USH2A: variants seen among roughly 807,000 people sequenced by gnomAD.
The protein encoded by USH2A is usherin.
Under a neutral mutation model 538.9 loss-of-function variants are expected in USH2A, and 443 were observed. The ratio of observed to expected loss-of-function variants is 0.82; its 90% CI spans 0.76 to 0.89. The LOEUF is 0.89. Among genes scored for constraint, USH2A ranks in the 40% least tolerant of loss-of-function variants. The probability of loss-of-function intolerance (pLI) is 0.00; values close to 1 mark genes in which losing one functional copy is unlikely to be tolerated. For missense variants in USH2A, 6,633 were observed against 6,324.8 expected, an observed-to-expected ratio of 1.05 and a Z score of -1.65; for synonymous variants, 2,413 against 2,273.5, an observed-to-expected ratio of 1.06 and a Z score of -1.75.
chr1:215,638,686 A>T (rs1337304471), intron 69 of USH2A, among the ~76,000 whole-genome samples: 1 of 149,830 alleles, frequency 6.7e-6, no homozygotes, highest in African/African-American at 2.5e-5. Context: ...AGGACTTTTT[A>T]AAAAATTTCT....
chr1:215,973,565 A>G (rs895650845), intron 35 of USH2A, among the ~76,000 whole-genome samples: 1 of 151,836 alleles, frequency 6.6e-6, no homozygotes, highest in African/African-American at 2.4e-5. Flanking sequence ...TCACTCAGTG[A>G]CTGCACCTTA....
chr1:216,301,745 T>C (rs1044456055), intron 9 of USH2A, among the ~76,000 whole-genome samples: 6 of 152,204 alleles, frequency 3.9e-5, no homozygotes, highest in African/African-American at 1.4e-4. Flanking sequence ...ACAGTACTGC[T>C]CACTGAATAA....
At chr1:216,401,093 C>T (rs2102760100) in intron 3 of USH2A, among the ~76,000 whole-genome samples, 1 of 152,158 alleles carries the variant, frequency 6.6e-6, no homozygotes, top group East Asian at 1.9e-4. Flanking sequence ...GCAAAAATTA[C>T]AACTCAGTGT....
At chr1:215,721,123 G>T (rs1035621897) in intron 61 of USH2A, among the ~76,000 whole-genome samples, 2 of 152,020 alleles carry the variant, frequency 1.3e-5, no homozygotes, top group Admixed American at 1.3e-4. Context: ...CACCCAGGCT[G>T]GAATGCAATG....
intron 3 of USH2A, among the ~76,000 whole-genome samples, chr1:216,399,118 G>A (rs1183144693): frequency 6.6e-6 from 1 of 152,172 alleles, no homozygotes; most frequent in Non-Finnish European, 1.5e-5. Flanking sequence ...GGACTAGTCA[G>A]CACATTACAT....
intron 37 of USH2A, among the ~76,000 whole-genome samples, chr1:215,936,332 A>G (rs1488596877): frequency 6.6e-6 from 1 of 152,060 alleles, no homozygotes; most frequent in African/African-American, 2.4e-5. Flanking sequence ...TATTTACAAA[A>G]ACATTATATT....
chr1:216,326,374 G>T (rs1298084105), intron 5 of USH2A, among the ~76,000 whole-genome samples: 1 of 152,156 alleles, frequency 6.6e-6, no homozygotes, highest in Admixed American at 6.6e-5. Context: ...TCAGACCCCA[G>T]TGGAGCAGTG....
At chr1:216,244,183 T>C (rs1047005760) in intron 13 of USH2A, among the ~76,000 whole-genome samples, 6 of 152,092 alleles carry the variant, frequency 3.9e-5, no homozygotes, top group African/African-American at 1.4e-4. Context: ...CTGCATTCCA[T>C]GTCGGGAAAG....
Position 215,817,184 on chromosome 1 carries a change from A to T in USH2A, c.9383T>A (p.Ile3128Asn), listed in dbSNP as rs1486433456. The change falls in exon 48 of 72, where the codon ATT (isoleucine) becomes AAT (asparagine). Residue 3128 changes from isoleucine (I) to asparagine (N), a missense_variant. Coordinates refer to ENST00000307340, the MANE Select transcript of USH2A (RefSeq NM_206933.4). ...TGGCTTCCGTGGAGACACCCAATCAATTTGAAGAGATCTGCAACAGAGAGA... is the reference window on the plus strand; with the variant it reads ...TGGCTTCCGTGGAGACACCCAATCATTTTGAAGAGATCTGCAACAGAGAGA... ...IRGITSRSLQIDWVSPRKPNG... is the reference protein window; with the variant it reads ...IRGITSRSLQNDWVSPRKPNG... 1.9e-6 allele frequency: 3 copies of T among 1,611,986 alleles called. No homozygotes were observed. The highest frequency in any genetic ancestry group is 2.5e-6 in the Non-Finnish European group (3 of 1,178,554).
In USH2A at chr1:216,009,472, A is replaced by G. The variant is rs192385449; in HGVS notation, c.6326-8910T>C. Among the ~76,000 whole-genome samples the G allele has an allele frequency of 4.9e-3, 753 of 152,206 alleles. 5 individuals are homozygous for G. The highest frequency in any genetic ancestry group is 0.017 in the African/African-American group (701 of 41,516). ...CAAGATCTAAATAATTCTTGTCATAAAATAGGCAAACGGTCTGAGGTGCCT... is the reference window on the plus strand; with the variant it reads ...CAAGATCTAAATAATTCTTGTCATAGAATAGGCAAACGGTCTGAGGTGCCT... On this transcript the variant is annotated intron_variant, in intron 32 of 71. Transcript: ENST00000307340.
intron 3 of USH2A, among the ~76,000 whole-genome samples, chr1:216,370,355 T>G (rs1024646564): frequency 2.0e-5 from 3 of 150,468 alleles, no homozygotes; most frequent in African/African-American, 7.4e-5. Context: ...AGTGAGACTC[T>G]ATCCAAAAAA....
intron 4 of USH2A, among the ~76,000 whole-genome samples, chr1:216,331,288 A>C (rs2037858218): frequency 6.6e-6 from 1 of 152,096 alleles, no homozygotes; most frequent in African/African-American, 2.4e-5. Flanking sequence ...ATTCCATAAA[A>C]ATTCTTCTTT....
At chr1:215,711,775 G>A (rs1659344301) in intron 61 of USH2A, among the ~76,000 whole-genome samples, 1 of 152,158 alleles carries the variant, frequency 6.6e-6, no homozygotes, top group African/African-American at 2.4e-5. Flanking sequence ...TCTGCACACT[G>A]TAATGTGCTG....
intron 58 of USH2A, among the ~76,000 whole-genome samples, chr1:215,751,480 AT>A (rs1314918304): frequency 6.6e-6 from 1 of 152,152 alleles, no homozygotes; most frequent in Admixed American, 6.5e-5. Flanking sequence ...AAATATAGTC[AT>A]CATCTCGATA....
chr1:215,654,745 T>C (rs1002449944), intron 64 of USH2A, among the ~76,000 whole-genome samples: 2 of 152,246 alleles, frequency 1.3e-5, no homozygotes, highest in African/African-American at 4.8e-5. Flanking sequence ...GATAGATTAA[T>C]ATGTCAGTTT....
chr1:215,720,202 T>C (rs1360253754), intron 61 of USH2A, among the ~76,000 whole-genome samples: 1 of 152,070 alleles, frequency 6.6e-6, no homozygotes, highest in Non-Finnish European at 1.5e-5. Flanking sequence ...GGGGATTCAG[T>C]GGAGAAGAAA....
At chr1:216,146,628 CT>C (rs1301174132) in intron 21 of USH2A, among the ~76,000 whole-genome samples, 1 of 152,050 alleles carries the variant, frequency 6.6e-6, no homozygotes, top group Non-Finnish European at 1.5e-5. Context: ...GCACCCCAAC[CT>C]CTTATCTCTG....
chr1:216,238,786 A>C (rs546790798), intron 13 of USH2A, among the ~76,000 whole-genome samples: 1 of 152,286 alleles, frequency 6.6e-6, no homozygotes, highest in African/African-American at 2.4e-5. Context: ...GTCATCTACT[A>C]TGGGTCAGCA....
At position 216,046,419 on chromosome 1, in the gene USH2A, T is replaced by C. The variant is rs566386074; in HGVS notation, c.6325+12A>G. On this transcript the variant is annotated intron_variant, in intron 32 of 71. Transcript: ENST00000307340. ...GACTATAACAATTCGCTGATAACTC[T>C]AGAGGTCTTACCTGTGACTATGTAG... 2 of 1,613,392 alleles carry C rather than the reference T, an allele frequency of 1.2e-6. No homozygotes were observed. Among genetic ancestry groups the C allele is most frequent in the East Asian group, 2.2e-5 (1 of 44,862 alleles).
Sources: gnomAD v4.1 joint callset for allele counts (sites outside exome capture counted in the v4.1 genomes callset) on GRCh38, gnomAD v4.1.1 for gene constraint, MANE v1.5 for transcripts, NCBI Gene and HGNC (gene_info 2026-07-23, HGNC 2026-07-21) for gene names.